SBF2: variants seen among roughly 807,000 people sequenced by gnomAD.
SBF2 encodes the protein SET binding factor 2.
A neutral mutation model predicts 225.2 loss-of-function variants in SBF2; 112 were observed. The ratio of observed to expected loss-of-function variants is 0.50; its 90% CI spans 0.43 to 0.58. The LOEUF is 0.58. SBF2 is among the 20% of genes least tolerant of loss of function. SBF2 has a pLI of 0.00. For synonymous variants in SBF2, 763 were observed against 773.3 expected (o/e 0.99, Z 0.22); for missense variants, 1,996 against 2,206.2 (o/e 0.90, Z 1.91).
At chr11:10,100,175 C>T (rs1034002916) in intron 2 of SBF2, among the ~76,000 whole-genome samples, 1 of 152,188 alleles carries the variant, frequency 6.6e-6, no homozygotes, top group Admixed American at 6.5e-5. Flanking sequence ...AAATGGAAAC[C>T]AAGGAGACAG....
intron 17 of SBF2, among the ~76,000 whole-genome samples, chr11:9,859,715 T>C (rs1420521809): frequency 6.6e-6 from 1 of 152,198 alleles, no homozygotes; most frequent in Non-Finnish European, 1.5e-5. Flanking sequence ...GTATACCAGA[T>C]ATATAAGACA....
Position 9,785,256 on chromosome 11 carries a change from C to G in SBF2, c.5100G>C (p.Lys1700Asn). The G allele has an allele frequency of 6.2e-7, 1 of 1,614,164 alleles. No homozygotes were observed. The highest frequency in any genetic ancestry group is 8.5e-7 in the Non-Finnish European group (1 of 1,180,012). Residue 1700 changes from lysine to asparagine, a missense_variant, in exon 37 of 40, where the codon AAG (lysine) becomes AAC (asparagine). Lys to Asn is a moderately conservative substitution (Grantham distance 94). Coordinates refer to ENST00000256190, the MANE Select transcript of SBF2 (RefSeq NM_030962.4). ...IVSTNLPSYQ[K>N]RSLLHLPDSS... ...TGTCTGGGAGATGTAGCAGAGACCT[C>G]TTCTGATAGGAAGGTAGGTTGGTAG...
At chr11:10,164,981 C>T (rs982736067) in intron 2 of SBF2, 1 of 152,186 alleles carries the variant, frequency 6.6e-6, no homozygotes, top group African/African-American at 2.4e-5. Context: ...AACCTTGGAA[C>T]AACTCTGAAG....
At chr11:9,913,643 A>AATAAAATAAAAT (rs1862829631) in intron 16 of SBF2, among the ~76,000 whole-genome samples, 25 of 144,850 alleles carry the variant, frequency 1.7e-4, no homozygotes, top group African/African-American at 5.8e-4. Flanking sequence ...CTGAGATTAA[A>AATAAAATAAAAT]AAAATAAAAT....
At chr11:9,993,173 G>T in intron 10 of SBF2, 70 bp from the exon 11 acceptor site, 1 of 1,120,426 alleles carries the variant, frequency 8.9e-7, no homozygotes, top group Non-Finnish European at 1.3e-6. Flanking sequence ...AGTCAAAAAG[G>T]TGAAAAGGGC....
At chr11:10,134,787 C>T (rs1954269145) in intron 2 of SBF2, among the ~76,000 whole-genome samples, 1 of 152,176 alleles carries the variant, frequency 6.6e-6, no homozygotes, top group Non-Finnish European at 1.5e-5. Context: ...TATAGCCTCC[C>T]TCCTGGCTGC....
chr11:9,984,178 AT>A lies in SBF2; in HGVS notation c.1395+5318del, dbSNP rs1391163331. On this transcript the variant is annotated intron_variant, in intron 13 of 39. Coordinates refer to ENST00000256190, the MANE Select transcript of SBF2 (RefSeq NM_030962.4). ...AGCCCAATGCAAGGAAATCCAAAAAATGATACAAGAAGTGAATGGAGAAATA... is the reference window on the plus strand; with the variant it reads ...AGCCCAATGCAAGGAAATCCAAAAAAGATACAAGAAGTGAATGGAGAAATA... Among the ~76,000 whole-genome samples, 3 of 152,240 alleles carry A rather than the reference AT, an allele frequency of 2.0e-5. No individual in the cohort carries two copies. In the East Asian group the frequency reaches 5.8e-4, roughly 29 times the overall value.
chr11:9,939,355 C>T (rs1865113121), intron 16 of SBF2, among the ~76,000 whole-genome samples: 1 of 152,154 alleles, frequency 6.6e-6, no homozygotes, highest in South Asian at 2.1e-4. Flanking sequence ...CTTAGCCTCC[C>T]AAAGTGCTGG....
At chr11:10,286,351 G>GAT (rs1963782462) in intron 1 of SBF2, among the ~76,000 whole-genome samples, 1 of 142,626 alleles carries the variant, frequency 7.0e-6, no homozygotes, top group Admixed American at 7.0e-5. Flanking sequence ...TTGTTCTTTG[G>GAT]TTTTTTTTTT....
chr11:10,147,665 G>A (rs1235655460), intron 2 of SBF2, among the ~76,000 whole-genome samples: 4 of 151,890 alleles, frequency 2.6e-5, no homozygotes, highest in African/African-American at 4.8e-5. Flanking sequence ...ACAAACCCCC[G>A]TGACATAAAT....
Position 9,845,658 on chromosome 11 carries a change from G to A in SBF2, c.3017C>T (p.Pro1006Leu), listed in dbSNP as rs1856491992. Residue 1006 changes from proline to leucine, a missense_variant, in exon 24 of 40, where the codon CCT becomes CTT. Transcript: ENST00000256190. ...AGCAAAGGTACTGAAAATGGACTGA[G>A]GATAACGGAACTTCATCAGCTGTTT... Reference protein sequence around the residue: ...FKKQLMKFRYPQSIFSTFAFA... With the variant: ...FKKQLMKFRYLQSIFSTFAFA... 3 of 1,613,716 alleles carry A rather than the reference G, an allele frequency of 1.9e-6. No individual in the cohort carries two copies. Among genetic ancestry groups the A allele is most frequent in the Non-Finnish European group, 2.5e-6 (3 of 1,179,754 alleles).
intron 29 of SBF2, among the ~76,000 whole-genome samples, chr11:9,813,327 G>T (rs987369616): frequency 6.6e-6 from 1 of 152,132 alleles, no homozygotes; most frequent in Non-Finnish European, 1.5e-5. Flanking sequence ...CAACATTGTG[G>T]TTATTTTTTT....
intron 17 of SBF2, among the ~76,000 whole-genome samples, chr11:9,873,066 C>T (rs780897123): frequency 5.3e-4 from 80 of 151,606 alleles, no homozygotes; most frequent in Non-Finnish European, 1.1e-3. Flanking sequence ...ATTAGCTGGG[C>T]GTGGTGGCAC....
intron 32 of SBF2, among the ~76,000 whole-genome samples, chr11:9,807,290 G>A (rs977250597): frequency 2.0e-5 from 3 of 152,180 alleles, no homozygotes; most frequent in African/African-American, 4.8e-5. Context: ...TGATGTGCCT[G>A]CGATGAAGGC....
intron 2 of SBF2, among the ~76,000 whole-genome samples, chr11:10,168,678 G>C (rs771172354): frequency 6.6e-6 from 1 of 152,228 alleles, no homozygotes; most frequent in Non-Finnish European, 1.5e-5. Flanking sequence ...ATGAGTGGAA[G>C]ATATTATTTA....
chr11:10,156,851 T>C (rs1955500356), intron 2 of SBF2, among the ~76,000 whole-genome samples: 1 of 152,156 alleles, frequency 6.6e-6, no homozygotes, highest in Admixed American at 6.5e-5. Context: ...CCCAAAGTAA[T>C]TTACAGATTC....
rs1399381128 is a variant in SBF2 at position 10,276,286 on chromosome 11, T to TTATTTA, written c.55+17723_55+17728dup. 3.9e-5 allele frequency among the ~76,000 whole-genome samples: 6 copies of TTATTTA among 152,308 alleles called. No individual in the cohort carries two copies. In the South Asian group the frequency reaches 6.2e-4, roughly 16 times the overall value. ...TGTGTAACAAGTTTTAAATTTTCTT[T>TTATTTA]TATTTATTTGTATCAATTTTCTCAC... On this transcript the variant is annotated intron_variant, in intron 1 of 39. Coordinates refer to ENST00000256190, the MANE Select transcript of SBF2 (RefSeq NM_030962.4).
chr11:9,953,292 A>G (rs1473879443), intron 16 of SBF2, among the ~76,000 whole-genome samples: 1 of 152,074 alleles, frequency 6.6e-6, no homozygotes, highest in African/African-American at 2.4e-5. Context: ...AAAAATACAA[A>G]AATTGGCCAG....
At chr11:9,918,935 G>A (rs186089094) in intron 16 of SBF2, among the ~76,000 whole-genome samples, 179 of 151,930 alleles carry the variant, frequency 1.2e-3, no homozygotes, top group African/African-American at 2.9e-3. Context: ...GTAGAGACGC[G>A]GTTTCACCGT....
Sources: gnomAD v4.1 joint callset for allele counts (sites outside exome capture counted in the v4.1 genomes callset) on GRCh38, gnomAD v4.1.1 for gene constraint, MANE v1.5 for transcripts, NCBI Gene and HGNC (gene_info 2026-07-23, HGNC 2026-07-21) for gene names.